Variants in SH3GL3 observed in about 807,000 individuals in gnomAD.
The protein encoded by SH3GL3 is SH3 domain containing GRB2 like 3, endophilin A3, also known as endophilin-A3.
A neutral mutation model predicts 47.7 loss-of-function variants in SH3GL3; 33 were observed. That is an observed-to-expected ratio of 0.69 (90% CI 0.52 to 0.92). The LOEUF (loss-of-function observed/expected upper bound fraction) is 0.92. Ranked by LOEUF, SH3GL3 falls within the 40% of genes least tolerant of loss-of-function variation. SH3GL3 has a pLI of 0.00. For synonymous variants in SH3GL3, 155 were observed against 148.8 expected (o/e 1.04, Z -0.30); for missense variants, 363 against 417.8 (o/e 0.87, Z 1.14).
At chr15:83,519,499 T>C (rs2043121411) in intron 1 of SH3GL3, among the ~76,000 whole-genome samples, 1 of 152,174 alleles carries the variant, frequency 6.6e-6, no homozygotes, top group South Asian at 2.1e-4. Context: ...TGCTACTGAT[T>C]TTTGCGCATT....
chr15:83,563,152 A>G (rs2151750300), intron 2 of SH3GL3, among the ~76,000 whole-genome samples: 1 of 152,306 alleles, frequency 6.6e-6, no homozygotes, highest in Admixed American at 6.5e-5. Context: ...TCTAAATTAC[A>G]AAAATGATTT....
intron 1 of SH3GL3, among the ~76,000 whole-genome samples, chr15:83,520,989 C>T (rs948853340): frequency 3.3e-5 from 5 of 152,086 alleles, no homozygotes; most frequent in African/African-American, 4.8e-5. Flanking sequence ...GTTAAATACT[C>T]GGTATAAATT....
At chr15:83,470,777 T>C (rs1894470111) in intron 1 of SH3GL3, among the ~76,000 whole-genome samples, 1 of 152,176 alleles carries the variant, frequency 6.6e-6, no homozygotes, top group African/African-American at 2.4e-5. Context: ...TTATATAGTG[T>C]TTTTGAGTAC....
At chr15:83,597,333 G>A (rs1403922235) in intron 8 of SH3GL3, among the ~76,000 whole-genome samples, 2 of 152,078 alleles carry the variant, frequency 1.3e-5, no homozygotes, top group Non-Finnish European at 2.9e-5. Context: ...ATTATACTGA[G>A]CCTACCCACA....
intron 1 of SH3GL3, among the ~76,000 whole-genome samples, chr15:83,525,993 T>C (rs7164704): frequency 0.082 from 12,496 of 152,212 alleles, 565 homozygotes; most frequent in East Asian, 0.12. Context: ...AGGATTGCAT[T>C]GGCTATTTGG....
chr15:83,632,196 C>T, the SH3GL3 span, among the ~76,000 whole-genome samples: 1 of 152,232 alleles, frequency 6.6e-6, no homozygotes, highest in East Asian at 1.9e-4. Context: ...TTGGTCAAAG[C>T]CATTCAGCAA....
intron 1 of SH3GL3, among the ~76,000 whole-genome samples, chr15:83,459,253 G>A (rs1269468964): frequency 6.6e-6 from 1 of 152,190 alleles, no homozygotes; most frequent in Non-Finnish European, 1.5e-5. Context: ...TTGAGGGTGG[G>A]TCTGCCTCTC....
intron 1 of SH3GL3, among the ~76,000 whole-genome samples, chr15:83,524,469 AT>A (rs1358437246): frequency 6.6e-6 from 1 of 152,160 alleles, no homozygotes; most frequent in Non-Finnish European, 1.5e-5. Context: ...AAGCCAGGGT[AT>A]TTAGGGTATC....
chr15:83,563,754 T>C (rs1385246579), intron 2 of SH3GL3, among the ~76,000 whole-genome samples: 1 of 152,116 alleles, frequency 6.6e-6, no homozygotes, highest in Non-Finnish European at 1.5e-5. Context: ...TTCTCCCACC[T>C]CAGCCTCCAA....
intron 8 of SH3GL3, among the ~76,000 whole-genome samples, chr15:83,611,086 C>T (rs537834350): frequency 4.0e-5 from 6 of 151,068 alleles, no homozygotes; most frequent in Non-Finnish European, 5.9e-5. Flanking sequence ...GGAGGGGCAC[C>T]GCAAATAATG....
chr15:83,626,469 C>A, the SH3GL3 span, among the ~76,000 whole-genome samples: 1 of 152,138 alleles, frequency 6.6e-6, no homozygotes, highest in Non-Finnish European at 1.5e-5. Flanking sequence ...GGTAAGTCTG[C>A]CTGTTTCTGA....
intron 1 of SH3GL3, among the ~76,000 whole-genome samples, chr15:83,458,024 G>C (rs2040084460): frequency 6.6e-6 from 1 of 152,100 alleles, no homozygotes; most frequent in Admixed American, 6.6e-5. Flanking sequence ...CCAAAGTTAA[G>C]TGTGTGTGTG....
chr15:83,520,934 T>C (rs2043177263), intron 1 of SH3GL3, among the ~76,000 whole-genome samples: 1 of 152,110 alleles, frequency 6.6e-6, no homozygotes, highest in East Asian at 1.9e-4. Context: ...ACATATGCAA[T>C]AAAAATTAAG....
At chr15:83,549,735 C>T (rs555688288) in intron 1 of SH3GL3, among the ~76,000 whole-genome samples, 1 of 152,246 alleles carries the variant, frequency 6.6e-6, no homozygotes, top group South Asian at 2.1e-4. Context: ...TTTATGTTTC[C>T]CTTTTTCCCA....
At chr15:83,513,024 C>T (rs1010295688) in intron 1 of SH3GL3, among the ~76,000 whole-genome samples, 1 of 152,184 alleles carries the variant, frequency 6.6e-6, no homozygotes, top group African/African-American at 2.4e-5. Context: ...AGACAGGTTT[C>T]AACGACTGCA....
At chr15:83,569,436 C>T (rs2045710331) in intron 4 of SH3GL3, among the ~76,000 whole-genome samples, 1 of 152,178 alleles carries the variant, frequency 6.6e-6, no homozygotes, top group Non-Finnish European at 1.5e-5. Context: ...AAACATTTTA[C>T]ATAGCATTTA....
chr15:83,485,900 A>G, intron 1 of SH3GL3, among the ~76,000 whole-genome samples: 1 of 152,046 alleles, frequency 6.6e-6, no homozygotes, highest in East Asian at 1.9e-4. Flanking sequence ...TACTATGAAT[A>G]CCTCTACCCC....
chr15:83,511,583 C>T (rs1053939800), intron 1 of SH3GL3, among the ~76,000 whole-genome samples: 1 of 152,116 alleles, frequency 6.6e-6, no homozygotes, highest in Non-Finnish European at 1.5e-5. Context: ...ACTTTGTATA[C>T]GGTAATAATA....
intron 5 of SH3GL3, among the ~76,000 whole-genome samples, chr15:83,574,385 T>C (rs2059617862): frequency 1.3e-5 from 2 of 152,176 alleles, no homozygotes; most frequent in African/African-American, 4.8e-5. Flanking sequence ...AACATGTCCC[T>C]GTTGCTCTCA....
Sources: gnomAD v4.1 joint callset for allele counts (sites outside exome capture counted in the v4.1 genomes callset) on GRCh38, gnomAD v4.1.1 for gene constraint, MANE v1.5 for transcripts, NCBI Gene and HGNC (gene_info 2026-07-23, HGNC 2026-07-21) for gene names.